Variants in DLG2 observed in about 807,000 individuals in gnomAD.
The protein encoded by DLG2 is disks large homolog 2.
A neutral mutation model predicts 132.5 loss-of-function variants in DLG2; 45 were observed. The observed-to-expected ratio is 0.34, with a 90% CI of 0.27 to 0.44. The LOEUF is 0.44. DLG2 is among the 20% of genes least tolerant of loss of function. The pLI, the probability that DLG2 is intolerant of heterozygous loss-of-function variation, is 1.00. For synonymous variants in DLG2, 424 were observed against 419.6 expected, an observed-to-expected ratio of 1.01 and a Z score of -0.13; for missense variants, 1,045 against 1,196.9, an observed-to-expected ratio of 0.87 and a Z score of 1.87.
At position 83,773,306 on chromosome 11, in the gene DLG2, G is replaced by T. The variant is rs1475955608; in HGVS notation, c.1825+13384C>A. On this transcript the variant is annotated intron_variant, in intron 18 of 27. Coordinates refer to ENST00000376104, the MANE Select transcript of DLG2 (RefSeq NM_001142699.3). The stretch of plus-strand genomic sequence containing the variant: ...ATACCACCAGTATATTTACCTCTTG[G>T]AGTTGTTCTGTAGATTCAATAAGAA... Among the ~76,000 whole-genome samples the T allele has an allele frequency of 2.6e-5, 4 of 152,228 alleles. No individual in the cohort carries two copies. The East Asian group carries it at 7.7e-4, about 29-fold the overall frequency.
intron 19 of DLG2, among the ~76,000 whole-genome samples, chr11:83,557,087 T>C (rs557185289): frequency 5.9e-5 from 9 of 152,318 alleles, no homozygotes; most frequent in Middle Eastern, 3.4e-3. Context: ...TTTTCTCTTC[T>C]TACCTGGGTC....
intron 6 of DLG2, among the ~76,000 whole-genome samples, chr11:84,731,400 G>A (rs906804624): frequency 7.9e-5 from 12 of 151,962 alleles, no homozygotes; most frequent in South Asian, 2.1e-4. Context: ...TAAGTGCTTC[G>A]AGGAGAGCTA....
intron 7 of DLG2, among the ~76,000 whole-genome samples, chr11:84,351,277 T>C (rs957130793): frequency 6.6e-6 from 1 of 152,168 alleles, no homozygotes; most frequent in Non-Finnish European, 1.5e-5. Context: ...ATATATTATA[T>C]AAAAGGTGCT....
intron 3 of DLG2, among the ~76,000 whole-genome samples, chr11:85,539,308 A>T (rs1167917258): frequency 6.7e-6 from 1 of 149,542 alleles, no homozygotes; most frequent in African/African-American, 2.6e-5. Flanking sequence ...CTGTCCCTTG[A>T]GTCTCTGGAT....
intron 4 of DLG2, among the ~76,000 whole-genome samples, chr11:85,263,509 A>T (rs1419744298): frequency 6.6e-6 from 1 of 152,230 alleles, no homozygotes; most frequent in Non-Finnish European, 1.5e-5. Context: ...TCTGGGCAAG[A>T]CAGCAAAACC....
Position 85,224,724 on chromosome 11 carries a change from AG to A in DLG2, c.186+60495del, listed in dbSNP as rs534097793. 3.9e-5 allele frequency among the ~76,000 whole-genome samples: 6 copies of A among 152,302 alleles called. No individual in the cohort carries two copies. In the South Asian group the frequency reaches 1.2e-3, roughly 32 times the overall value. On this transcript the variant is annotated intron_variant, in intron 4 of 27. Transcript: ENST00000376104. ...ATAAATCAAAATTTCTTTTATGATT[AG>A]GAAAATAAACAATTACAAATCTTAA...
At position 84,432,752 on chromosome 11, in the gene DLG2, C is replaced by A. The variant is rs565385827; in HGVS notation, c.519+101818G>T. 1.6e-3 allele frequency among the ~76,000 whole-genome samples: 245 copies of A among 152,294 alleles called. 1 individual carries two copies. Among genetic ancestry groups the A allele is most frequent in the Non-Finnish European group, 2.9e-3 (198 of 68,020 alleles). The stretch of plus-strand genomic sequence containing the variant: ...AAAAAGTTTTCCAAGGTGGGCCAGG[C>A]ATGGGGGCTCACACCTATAATCCCA... On this transcript the variant is annotated intron_variant, in intron 7 of 27. Coordinates refer to ENST00000376104, the MANE Select transcript of DLG2 (RefSeq NM_001142699.3).
intron 18 of DLG2, among the ~76,000 whole-genome samples, chr11:83,757,884 T>G (rs1416003438): frequency 6.6e-6 from 1 of 152,162 alleles, no homozygotes; most frequent in Non-Finnish European, 1.5e-5. Flanking sequence ...TATAACCACC[T>G]GTAGAAAAGC....
At chr11:85,433,442 T>G (rs1488789570) in intron 3 of DLG2, among the ~76,000 whole-genome samples, 1 of 152,122 alleles carries the variant, frequency 6.6e-6, no homozygotes, top group Non-Finnish European at 1.5e-5. Flanking sequence ...AAGACACACT[T>G]AGGCTCAAAA....
At chr11:84,951,618 A>G (rs1388079743) in intron 6 of DLG2, among the ~76,000 whole-genome samples, 1 of 150,260 alleles carries the variant, frequency 6.7e-6, no homozygotes, top group Non-Finnish European at 1.5e-5. Context: ...ATATACACAT[A>G]TATATGCATT....
At chr11:85,595,438 T>C (rs1442546219) in intron 3 of DLG2, among the ~76,000 whole-genome samples, 1 of 152,228 alleles carries the variant, frequency 6.6e-6, no homozygotes. Flanking sequence ...TAAAACTTTA[T>C]TCATTTGGAT....
intron 11 of DLG2, among the ~76,000 whole-genome samples, chr11:84,039,185 T>G (rs905717574): frequency 1.3e-5 from 2 of 151,992 alleles, no homozygotes; most frequent in Non-Finnish European, 2.9e-5. Context: ...ATTTAATATA[T>G]TTATTTCAGC....
chr11:84,331,430 G>A (rs549355493), intron 7 of DLG2, among the ~76,000 whole-genome samples: 66 of 136,398 alleles, frequency 4.8e-4, no homozygotes, highest in Non-Finnish European at 9.1e-4. Flanking sequence ...ACTTCACCAT[G>A]TTACTTATCT....
chr11:83,927,086 CT>C (rs1487314573), intron 15 of DLG2, among the ~76,000 whole-genome samples: 1 of 152,152 alleles, frequency 6.6e-6, no homozygotes, highest in African/African-American at 2.4e-5. Flanking sequence ...TATATACCTA[CT>C]AAGAACTAGG....
At chr11:83,724,476 TGAGAGAGAGAGAGAGA>T (rs59782952) in intron 18 of DLG2, among the ~76,000 whole-genome samples, 23 of 118,214 alleles carry the variant, frequency 1.9e-4, no homozygotes, top group African/African-American at 4.4e-4. Flanking sequence ...TGTGTGTGTG[TGAGAGAGAGAGAGAGA>T]GAGAGAGAGA....
intron 18 of DLG2, among the ~76,000 whole-genome samples, chr11:83,783,900 C>T (rs1300643966): frequency 1.3e-5 from 2 of 151,992 alleles, no homozygotes; most frequent in African/African-American, 4.8e-5. Flanking sequence ...TCATATGTTA[C>T]CAGGAACTAT....
chr11:84,908,174 T>A (rs1361775760), intron 6 of DLG2, among the ~76,000 whole-genome samples: 1 of 152,178 alleles, frequency 6.6e-6, no homozygotes, highest in Non-Finnish European at 1.5e-5. Context: ...TATGTAATTT[T>A]AAATTTTCTA....
chr11:85,595,696 A>G (rs1378943369), intron 3 of DLG2, among the ~76,000 whole-genome samples: 1 of 152,242 alleles, frequency 6.6e-6, no homozygotes, highest in Non-Finnish European at 1.5e-5. Flanking sequence ...TTAATCAAAC[A>G]GTTCATTCTC....
intron 4 of DLG2, among the ~76,000 whole-genome samples, chr11:85,160,890 G>A (rs539963447): frequency 7.2e-5 from 11 of 152,270 alleles, no homozygotes; most frequent in African/African-American, 2.6e-4. Flanking sequence ...CTAGGACATC[G>A]CTGAAGGTCA....
Sources: gnomAD v4.1 joint callset for allele counts (sites outside exome capture counted in the v4.1 genomes callset) on GRCh38, gnomAD v4.1.1 for gene constraint, MANE v1.5 for transcripts, NCBI Gene and HGNC (gene_info 2026-07-23, HGNC 2026-07-21) for gene names.